Variants in RANBP2 observed in about 807,000 individuals in gnomAD.
RANBP2 encodes E3 SUMO-protein ligase RanBP2.
RANBP2 carries 57 observed loss-of-function variants against 303.6 expected under a neutral mutation model. The ratio of observed to expected loss-of-function variants is 0.19; its 90% CI spans 0.15 to 0.23. The LOEUF (loss-of-function observed/expected upper bound fraction) is 0.23. Among genes scored for constraint, RANBP2 ranks in the 10% least tolerant of loss-of-function variants. The pLI, the probability that RANBP2 is intolerant of heterozygous loss-of-function variation, is 1.00. For missense variants in RANBP2, 3,138 were observed against 3,780.8 expected, an observed-to-expected ratio of 0.83 and a Z score of 4.46; for synonymous variants, 1,167 against 1,301.5, an observed-to-expected ratio of 0.90 and a Z score of 2.23.
At chr2:108,901,752 A>G in the RANBP2 span, among the ~76,000 whole-genome samples, 5 of 152,252 alleles carry the variant, frequency 3.3e-5, no homozygotes, top group Admixed American at 2.6e-4. Context: ...AACTTACCCA[A>G]TATAAAATAG....
chr2:108,932,528 C>CAAAAA, the RANBP2 span, among the ~76,000 whole-genome samples: 28 of 38,994 alleles, frequency 7.2e-4, no homozygotes, highest in Non-Finnish European at 1.0e-3. Flanking sequence ...GACTCTGTCT[C>CAAAAA]AAAAAAAAAA....
chr2:108,960,881 C>A, the RANBP2 span, among the ~76,000 whole-genome samples: 1 of 152,192 alleles, frequency 6.6e-6, no homozygotes, highest in Admixed American at 6.5e-5. Flanking sequence ...AGTATTCCAC[C>A]ATGTGGATGT....
At chr2:109,330,660 A>T in the RANBP2 span, among the ~76,000 whole-genome samples, 52 of 152,266 alleles carry the variant, frequency 3.4e-4, no homozygotes, top group Non-Finnish European at 6.3e-4. Context: ...GGGATGATAG[A>T]TTGAGGAGTG....
the RANBP2 span, among the ~76,000 whole-genome samples, chr2:109,024,827 C>G: frequency 6.6e-6 from 1 of 152,142 alleles, no homozygotes; most frequent in African/African-American, 2.4e-5. Context: ...AATTGATATT[C>G]TTTTTTAACT....
chr2:109,251,577 G>A, the RANBP2 span: 4 of 869,576 alleles, frequency 4.6e-6, no homozygotes, highest in African/African-American at 1.6e-5. Context: ...CGACTGGTGG[G>A]CAACAGAACA....
the RANBP2 span, among the ~76,000 whole-genome samples, chr2:109,265,279 C>G: frequency 1.3e-5 from 2 of 152,100 alleles, no homozygotes; most frequent in Non-Finnish European, 2.9e-5. Context: ...GAGGGCAGCT[C>G]GTGGGCTGTG....
At chr2:108,856,738 C>T in the RANBP2 span, 1 of 1,527,496 alleles carries the variant, frequency 6.5e-7, no homozygotes, top group Non-Finnish European at 8.8e-7. Context: ...CCTTCTGTTT[C>T]TGATTGACAC....
the RANBP2 span, among the ~76,000 whole-genome samples, chr2:109,389,428 A>G: frequency 6.6e-6 from 1 of 152,208 alleles, no homozygotes; most frequent in Non-Finnish European, 1.5e-5. Context: ...CCGAGGGCAT[A>G]CCGCATGAGT....
chr2:108,821,483 A>C, the RANBP2 span, among the ~76,000 whole-genome samples: 1 of 152,232 alleles, frequency 6.6e-6, no homozygotes, highest in African/African-American at 2.4e-5. Flanking sequence ...TGTTTTATGT[A>C]ATTGATTGCA....
chr2:109,518,207 G>C, the RANBP2 span, among the ~76,000 whole-genome samples: 16 of 152,348 alleles, frequency 1.1e-4, no homozygotes, highest in East Asian at 2.3e-3. Flanking sequence ...TCAGCATGAA[G>C]TTGTTTCTAA....
chr2:109,583,040 A>C, the RANBP2 span, among the ~76,000 whole-genome samples: 31 of 152,368 alleles, frequency 2.0e-4, 1 homozygote, highest in Admixed American at 1.6e-3. Flanking sequence ...AGATGGATTA[A>C]AGACTGAAAT....
chr2:109,149,019 C>A, the RANBP2 span, among the ~76,000 whole-genome samples: 63,204 of 151,994 alleles, frequency 0.42, 15,028 homozygotes, highest in Non-Finnish European at 0.54. Context: ...ACTGCAGATC[C>A]CCCTTTCTCT....
chr2:109,512,430 C>T, the RANBP2 span, among the ~76,000 whole-genome samples: 1 of 152,042 alleles, frequency 6.6e-6, no homozygotes, highest in South Asian at 2.1e-4. Flanking sequence ...CTGAGTCAAG[C>T]TCCAGGTATG....
chr2:109,564,474 A>G, the RANBP2 span: 6 of 1,585,690 alleles, frequency 3.8e-6, no homozygotes, highest in East Asian at 2.3e-5. Context: ...CAGGTCCTCC[A>G]TATTTGTACA....
At chr2:109,305,991 T>A in the RANBP2 span, among the ~76,000 whole-genome samples, 7 of 152,224 alleles carry the variant, frequency 4.6e-5, no homozygotes, top group African/African-American at 1.7e-4. Flanking sequence ...ACAGTAGATC[T>A]GGGCATTACA....
chr2:109,307,421 C>CT, the RANBP2 span, among the ~76,000 whole-genome samples: 404 of 123,696 alleles, frequency 3.3e-3, 1 homozygote, highest in African/African-American at 0.014. Flanking sequence ...ATAAGATGCA[C>CT]TTTTTTTTTT....
At chr2:109,432,845 G>A in the RANBP2 span, among the ~76,000 whole-genome samples, 1 of 152,270 alleles carries the variant, frequency 6.6e-6, no homozygotes, top group Non-Finnish European at 1.5e-5. Context: ...CACCTTCTGA[G>A]CTGGGTTTGC....
At chr2:108,930,402 C>T in the RANBP2 span, among the ~76,000 whole-genome samples, 1 of 152,072 alleles carries the variant, frequency 6.6e-6, no homozygotes, top group Non-Finnish European at 1.5e-5. Context: ...CTCACTGCTG[C>T]TAAGTCTCCA....
At chr2:109,566,117 A>T in the RANBP2 span, among the ~76,000 whole-genome samples, 80,400 of 151,516 alleles carry the variant, frequency 0.53, 22,693 homozygotes, top group African/African-American at 0.73. Context: ...AAAAAAATTT[A>T]TTTATTTATT....
Sources: gnomAD v4.1 joint callset for allele counts (sites outside exome capture counted in the v4.1 genomes callset) on GRCh38, gnomAD v4.1.1 for gene constraint, MANE v1.5 for transcripts, NCBI Gene and HGNC (gene_info 2026-07-23, HGNC 2026-07-21) for gene names.